UFL1: variants seen among roughly 807,000 people sequenced by gnomAD.
UFL1 encodes the protein UFM1 specific ligase 1.
In UFL1, 78 loss-of-function variants were observed where a neutral mutation model predicts 99.3. The ratio of observed to expected loss-of-function variants is 0.79; its 90% confidence interval spans 0.65 to 0.95. The LOEUF (loss-of-function observed/expected upper bound fraction) is 0.95. UFL1 is among the 40% of genes least tolerant of loss of function. The probability of loss-of-function intolerance (pLI) is 0.00; values close to 1 mark genes in which losing one functional copy is unlikely to be tolerated. For missense variants in UFL1, 936 were observed against 937.0 expected, an observed-to-expected ratio of 1.00 and a Z score of 0.01; for synonymous variants, 335 against 322.2, an observed-to-expected ratio of 1.04 and a Z score of -0.42.
chr6:96,543,080 A>T, intron 12 of UFL1, 64 bp downstream of exon 12: 1 of 1,519,470 alleles, frequency 6.6e-7, no homozygotes, highest in Non-Finnish European at 8.8e-7. Flanking sequence ...TTTTCTTAAG[A>T]TGTATATAAT....
chr6:96,549,654 TC>T lies in UFL1; in HGVS notation c.1688-13del. ...GGGAATAAATTAGTTTTAATAAAGG[TC>T]CTTTATTTTCCAGATGACACACAGG... On this transcript the variant is annotated splice_polypyrimidine_tract_variant and intron_variant, in intron 14 of 18. Transcript: ENST00000369278. The T allele has an allele frequency of 6.3e-7, 1 of 1,599,186 alleles. No homozygotes were observed. The highest frequency in any genetic ancestry group is 8.5e-7 in the Non-Finnish European group (1 of 1,174,408).
chr6:96,526,393 A>G lies in UFL1; in HGVS notation c.423A>G (p.Glu141=), dbSNP rs886575212. Residue 141 remains glutamate (E), a synonymous_variant, in exon 5 of 19, where the codon GAA becomes GAG. Coordinates refer to ENST00000369278, the MANE Select transcript of UFL1 (RefSeq NM_015323.5). ...LQESGQVTIS[E]LCKTYDLPGN... ...AAAGTGGTCAGGTCACCATATCAGA[A>G]CTGTGTAAAACTTATGATCTTCCTG... 1 of 1,613,002 alleles carries G rather than the reference A, an allele frequency of 6.2e-7. No individual in the cohort carries two copies. Among genetic ancestry groups the G allele is most frequent in the Non-Finnish European group, 8.5e-7 (1 of 1,179,716 alleles).
chr6:96,549,400 T>A lies in UFL1; in HGVS notation c.1521-12T>A. The A allele has an allele frequency of 6.4e-7, 1 of 1,572,570 alleles. No individual in the cohort carries two copies. Among genetic ancestry groups the A allele is most frequent in the South Asian group, 1.2e-5 (1 of 83,764 alleles). On this transcript the variant is annotated splice_polypyrimidine_tract_variant and intron_variant, in intron 13 of 18. Coordinates refer to ENST00000369278, the MANE Select transcript of UFL1 (RefSeq NM_015323.5). ...CATTTTAATAAACTAAATATATTTG[T>A]CTTATGCACAGACCTCTTAATAAAA...
intron 15 of UFL1, among the ~76,000 whole-genome samples, 181 bp downstream of exon 15, chr6:96,549,980 A>G (rs571875553): frequency 4.6e-5 from 7 of 152,046 alleles, no homozygotes; most frequent in African/African-American, 1.7e-4. Flanking sequence ...CAGGATTGGT[A>G]GTATAACTAG....
At chr6:96,550,672 CCTT>C (rs1384797033) in intron 15 of UFL1, among the ~76,000 whole-genome samples, 4 of 151,984 alleles carry the variant, frequency 2.6e-5, no homozygotes, top group Non-Finnish European at 4.4e-5. Context: ...GGCCCCCTTC[CCTT>C]CTTCTGCTTA....
intron 5 of UFL1, 71 bp downstream of exon 5, chr6:96,526,506 G>C: frequency 1.7e-6 from 2 of 1,207,350 alleles, no homozygotes; most frequent in South Asian, 2.6e-5. Context: ...TGAATGGAAG[G>C]GGGAAAAAAA....
chr6:96,533,242 C>A (rs1769806974), intron 6 of UFL1, among the ~76,000 whole-genome samples: 1 of 151,316 alleles, frequency 6.6e-6, no homozygotes, highest in Non-Finnish European at 1.5e-5. Context: ...AAATGAGATA[C>A]AGTCATAGGA....
rs576290139 is a variant in UFL1 at position 96,540,664 on chromosome 6, T to C, written c.1279+9T>C. 4.3e-5 allele frequency: 68 copies of C among 1,592,062 alleles called. No homozygotes were observed. The highest frequency in any genetic ancestry group is 5.7e-5 in the Non-Finnish European group (67 of 1,172,136). ...AAGAAGGAAAGCAACAGGTAATAAA[T>C]TGTTAACAAGGAATATTCAAAGTTT... On this transcript the variant is annotated intron_variant, in intron 11 of 18. Transcript: ENST00000369278.
chr6:96,537,468 T>C lies in UFL1; in HGVS notation c.897T>C (p.Ala299=). 1 of 1,610,648 alleles carries C rather than the reference T, an allele frequency of 6.2e-7. No homozygotes were observed. The highest frequency in any genetic ancestry group is 8.5e-7 in the Non-Finnish European group (1 of 1,178,144). ...CACAACTCTTGTTTTTGAAAGCAGC[T>C]TGTGTTGGTCAAGGACTTGTGGATC... is the stretch of plus-strand genomic sequence containing the variant. ...KTTQLLFLKA[A]CVGQGLVDQV... Residue 299 remains alanine (A), a synonymous_variant, in exon 9 of 19, where the codon GCT becomes GCC. Coordinates refer to ENST00000369278, the MANE Select transcript of UFL1 (RefSeq NM_015323.5).
chr6:96,540,579 G>A lies in UFL1; in HGVS notation c.1203G>A (p.Leu401=). 1 of 1,606,642 alleles carries A rather than the reference G, an allele frequency of 6.2e-7. No homozygotes were observed. Among genetic ancestry groups the A allele is most frequent in the East Asian group, 2.2e-5 (1 of 44,520 alleles). ...NPVHLITEED[L]KQISTLESVS... is the part of the protein sequence containing the mutation. ...TGCATTTAATCACTGAAGAAGATCT[G>A]AAACAAATCTCCACTTTAGAAAGCG... Residue 401 remains leucine, a synonymous_variant, in exon 11 of 19, where the codon CTG becomes CTA. Transcript: ENST00000369278.
At chr6:96,534,134 G>T (rs1013025918) in intron 6 of UFL1, 129 bp from the exon 7 acceptor site, 66 of 540,254 alleles carry the variant, frequency 1.2e-4, no homozygotes, top group Non-Finnish European at 1.6e-4. Context: ...AAAATTTGGT[G>T]TAATTTTTGA....
intron 7 of UFL1, 66 bp downstream of exon 7, chr6:96,534,387 T>A: frequency 8.1e-7 from 1 of 1,230,150 alleles, no homozygotes; most frequent in Non-Finnish European, 1.1e-6. Flanking sequence ...TAAAACTTAC[T>A]AACTTTAATG....
intron 17 of UFL1, 30 bp from the exon 18 acceptor site, chr6:96,552,452 A>C: frequency 6.6e-7 from 1 of 1,522,290 alleles, no homozygotes; most frequent in Non-Finnish European, 8.7e-7. Context: ...AATTATGATA[A>C]TGAATTTGTG....
chr6:96,525,099 C>G (rs1769680037), intron 3 of UFL1, among the ~76,000 whole-genome samples, 198 bp from the exon 4 acceptor site: 1 of 150,252 alleles, frequency 6.7e-6, no homozygotes, highest in African/African-American at 2.4e-5. Context: ...ATGGGAGTCT[C>G]CCTATGTTGC....
intron 15 of UFL1, 50 bp from the exon 16 acceptor site, chr6:96,551,383 A>T: frequency 1.0e-6 from 1 of 982,294 alleles, no homozygotes. Flanking sequence ...TCTTATATCC[A>T]TTGCATGTCA....
chr6:96,541,863 C>T (rs1435624758), intron 11 of UFL1, among the ~76,000 whole-genome samples: 4 of 150,914 alleles, frequency 2.7e-5, no homozygotes, highest in Non-Finnish European at 3.0e-5. Flanking sequence ...CCATAGGAAA[C>T]TTATTGTCAA....
intron 9 of UFL1, among the ~76,000 whole-genome samples, chr6:96,538,043 G>T (rs1485886521): frequency 1.3e-5 from 2 of 151,820 alleles, no homozygotes; most frequent in African/African-American, 4.8e-5. Flanking sequence ...TTCTAGTCGG[G>T]CCCAGACCCT....
intron 6 of UFL1, 68 bp from the exon 7 acceptor site, chr6:96,534,195 T>A: frequency 9.8e-7 from 1 of 1,022,216 alleles, no homozygotes; most frequent in Non-Finnish European, 1.3e-6. Context: ...ATTATCCTAT[T>A]TTTAAGTTCA....
rs776517273 is a variant in UFL1, at chr6:96,553,430, A to C, written c.2312A>C (p.Glu771Ala). 19 of 1,613,674 alleles carry C rather than the reference A, an allele frequency of 1.2e-5. No homozygotes were observed. The highest frequency in any genetic ancestry group is 4.2e-6 in the Non-Finnish European group (5 of 1,179,838). Residue 771 changes from glutamate to alanine, a missense_variant, in exon 19 of 19, where the codon GAG becomes GCG. Glu to Ala is a moderately radical substitution (Grantham distance 107). Transcript: ENST00000369278. The part of the protein sequence containing the change: ...QEDVASTTRK[E>A]LQELSSSIKD... ...GATGTTGCCAGTACTACTCGTAAAGAGCTTCAAGAACTTTCTTCATCCATT... is the reference window on the plus strand; with the variant it reads ...GATGTTGCCAGTACTACTCGTAAAGCGCTTCAAGAACTTTCTTCATCCATT...
Sources: allele counts gnomAD v4.1 joint callset (sites outside exome capture counted in the v4.1 genomes callset), GRCh38; gene constraint gnomAD v4.1.1; transcripts MANE v1.5; gene names NCBI Gene and HGNC (gene_info 2026-07-23, HGNC 2026-07-21).